NEB: variants seen among roughly 807,000 people sequenced by gnomAD.
The protein encoded by NEB is nebulin.
In NEB, 512 loss-of-function variants were observed where a neutral mutation model predicts 952.2. The observed-to-expected ratio is 0.54, with a 90% CI of 0.50 to 0.58. The LOEUF (loss-of-function observed/expected upper bound fraction) is 0.58, where lower values mean the gene tolerates loss of function less well. Among genes scored for constraint, NEB ranks in the 20% least tolerant of loss-of-function variants. The pLI, the probability that NEB is intolerant of heterozygous loss-of-function variation, is 0.00. For missense variants in NEB, 8,428 were observed against 9,231.1 expected, an observed-to-expected ratio of 0.91 and a Z score of 3.56; for synonymous variants, 2,900 against 3,149.8, an observed-to-expected ratio of 0.92 and a Z score of 2.66.
chr2:151,560,255 T>C (rs948571153), intron 124 of NEB, among the ~76,000 whole-genome samples: 3 of 152,168 alleles, frequency 2.0e-5, no homozygotes, highest in Admixed American at 1.3e-4. Context: ...TCCATGTAAT[T>C]CTATTGAAAA....
chr2:151,568,032 C>A (rs2096486772), intron 113 of NEB, 39 bp downstream of exon 113: 2 of 1,494,566 alleles, frequency 1.3e-6, no homozygotes, highest in South Asian at 1.2e-5. Flanking sequence ...GGAGCAAGGT[C>A]CCACTTTTGC....
In NEB at chr2:151,525,859, A is replaced by T; in HGVS notation, c.22161+99T>A. The T allele has an allele frequency of 3.4e-6, 3 of 875,746 alleles. No individual in the cohort carries two copies. The Admixed American group carries it at 5.1e-5, about 15-fold the overall frequency. The allele number at this position is 875,746 out of a possible 1,614,324, so 54.2% of individuals were successfully genotyped here. On this transcript the variant is annotated intron_variant, in intron 150 of 181. Transcript: ENST00000397345. ...ATGTAGATATTGATGGTAAGAGTGA[A>T]GCTACATAAAGGAAGCAAAAGGCAA...
intron 181 of NEB, 147 bp from the exon 182 acceptor site, chr2:151,486,080 C>G: frequency 1.3e-6 from 1 of 780,426 alleles, no homozygotes; most frequent in South Asian, 1.9e-5. Flanking sequence ...GTAAAAGGAA[C>G]CCACAAAATA....
chr2:151,643,432 T>C, intron 57 of NEB, 79 bp from the exon 58 acceptor site: 1 of 1,265,072 alleles, frequency 7.9e-7, no homozygotes, highest in African/African-American at 1.5e-5. Context: ...TTAAATCATT[T>C]GCCCCTAAAT....
chr2:151,644,600 G>A (rs1404028199), intron 55 of NEB, 25 bp from the exon 56 acceptor site: 31 of 1,560,796 alleles, frequency 2.0e-5, no homozygotes, highest in Non-Finnish European at 2.7e-5. Flanking sequence ...AGATCATTTT[G>A]GGAAATACTG....
Position 151,505,542 on chromosome 2 carries a change from C to T in NEB, c.23678G>A (p.Gly7893Glu), listed in dbSNP as rs760083078. ...TTCAGGCAGGTCAGGGATTGGAGTTCCTTGTCCTATTGCTTCCTTATACTT... is the reference window on the plus strand; with the variant it reads ...TTCAGGCAGGTCAGGGATTGGAGTTTCTTGTCCTATTGCTTCCTTATACTT... ...SVKYKEAIGQ[G>E]TPIPDLPEVK... is the part of the protein sequence containing the mutation. The change falls in exon 165 of 182, where the codon GGA becomes GAA. Residue 7893 changes from glycine (G) to glutamate (E), a missense_variant. Physicochemically the swap from Gly to Glu is moderately conservative, Grantham distance 98 (BLOSUM62 -2). Coordinates refer to ENST00000397345, the MANE Select transcript of NEB (RefSeq NM_001164508.2). 6.2e-7 allele frequency: 1 copy of T among 1,613,760 alleles called. No individual in the cohort carries two copies. Among genetic ancestry groups the T allele is most frequent in the Non-Finnish European group, 8.5e-7 (1 of 1,179,718 alleles).
chr2:151,558,322 C>T (rs2095799535), intron 124 of NEB, among the ~76,000 whole-genome samples: 1 of 152,132 alleles, frequency 6.6e-6, no homozygotes, highest in African/African-American at 2.4e-5. Flanking sequence ...TCTGAAGGAC[C>T]TCTTCAAGGA....
At chr2:151,560,548 G>A (rs2095970528) in intron 124 of NEB, 44 bp downstream of exon 124, 2 of 1,425,384 alleles carry the variant, frequency 1.4e-6, no homozygotes, top group Non-Finnish European at 9.7e-7. Context: ...GAGCAGGGGA[G>A]GGGAGGGAGG....
Position 151,560,667 on chromosome 2 carries a change from T to C in NEB, c.19239A>G (p.Lys6413=), listed in dbSNP as rs1430888861. The change falls in exon 124 of 182, where the codon AAA becomes AAG. Residue 6413 remains lysine (K), a synonymous_variant. Coordinates refer to ENST00000397345, the MANE Select transcript of NEB (RefSeq NM_001164508.2). ...TGGAAGGCAGGATGTAGCTGGTGGC[T>C]TTCACTCTATCCCAGGCCTCCTTGT... ...NLYKEAWDRV[K]ATSYILPSST... is the part of the protein sequence containing the mutation. 4 of 1,611,884 alleles carry C rather than the reference T, an allele frequency of 2.5e-6. No homozygotes were observed. The highest frequency in any genetic ancestry group is 3.4e-6 in the Non-Finnish European group (4 of 1,179,180).
At chr2:151,559,745 A>T (rs1407245649) in intron 124 of NEB, among the ~76,000 whole-genome samples, 1 of 152,176 alleles carries the variant, frequency 6.6e-6, no homozygotes, top group East Asian at 1.9e-4. Context: ...AACAGTGAGA[A>T]CACATGGACA....
chr2:151,553,691 G>A, intron 126 of NEB, 137 bp downstream of exon 126: 1 of 984,298 alleles, frequency 1.0e-6, no homozygotes, highest in Non-Finnish European at 1.5e-6. Flanking sequence ...CAGCTCTGAA[G>A]TCAAGTTGGA....
At position 151,642,563 on chromosome 2, in the gene NEB, A is replaced by G; in HGVS notation, c.8373+11T>C. 1 of 1,601,116 alleles carries G rather than the reference A, an allele frequency of 6.2e-7. No individual in the cohort carries two copies. The highest frequency in any genetic ancestry group is 8.5e-7 in the Non-Finnish European group (1 of 1,171,092). Reference sequence around the variant, plus strand: ...CAAAGCTAAGGCAAATAACTTTCCAAGTATACTTACTTCACTTGCAATATC... The same window carrying G: ...CAAAGCTAAGGCAAATAACTTTCCAGGTATACTTACTTCACTTGCAATATC... On this transcript the variant is annotated intron_variant, in intron 60 of 181. Coordinates refer to ENST00000397345, the MANE Select transcript of NEB (RefSeq NM_001164508.2).
At chr2:151,497,147 G>C (rs970500114) in intron 171 of NEB, 114 bp from the exon 172 acceptor site, 5 of 1,365,270 alleles carry the variant, frequency 3.7e-6, no homozygotes, top group African/African-American at 3.0e-5. Flanking sequence ...TGTCCAAGGA[G>C]CCAGAAGTTA....
chr2:151,687,629 G>T lies in NEB; in HGVS notation c.2520C>A (p.Ser840Arg). 1 of 1,612,942 alleles carries T rather than the reference G, an allele frequency of 6.2e-7. No homozygotes were observed. Among genetic ancestry groups the T allele is most frequent in the Non-Finnish European group, 8.5e-7 (1 of 1,179,294 alleles). ...CAGGTCCCCAGGCCACACTCACATCGCTGGTGTTCTTGGTGTTGGCTTTGG... is the reference window on the plus strand; with the variant it reads ...CAGGTCCCCAGGCCACACTCACATCTCTGGTGTTCTTGGTGTTGGCTTTGG... ...LAAKANTKNT[S>R]DVMYKKDYEK... The change falls in exon 26 of 182, where the codon AGC becomes AGA. Residue 840 changes from serine (S) to arginine (R), a missense_variant. Ser to Arg is a moderately radical substitution (Grantham distance 110). Transcript: ENST00000397345.
rs894845097 is a variant in NEB at position 151,610,074 on chromosome 2, C to T, written c.12065G>A (p.Gly4022Glu). 1 of 1,613,544 alleles carries T rather than the reference C, an allele frequency of 6.2e-7. No individual in the cohort carries two copies. Among genetic ancestry groups the T allele is most frequent in the African/African-American group, 1.3e-5 (1 of 74,866 alleles). ...GGGATCATCTTCAATGCTCTGGGCT[C>T]CAATGTGGTGGCCTTTCTGTTTCTC... ...AYEKQKGHHI[G>E]AQSIEDDPKI... Residue 4022 changes from glycine (G) to glutamate (E), a missense_variant, in exon 81 of 182, where the codon GGA (glycine) becomes GAA (glutamate). Physicochemically the swap from Gly to Glu is moderately conservative, Grantham distance 98. Transcript: ENST00000397345.
At chr2:151,494,705 A>G (rs558788763) in intron 173 of NEB, among the ~76,000 whole-genome samples, 68 of 152,116 alleles carry the variant, frequency 4.5e-4, no homozygotes, top group African/African-American at 9.9e-4. Flanking sequence ...CTGGAGTGCA[A>G]TGGCACGATC....
chr2:151,513,760 G>A (rs1014790196), intron 159 of NEB, 67 bp from the exon 160 acceptor site: 65 of 1,115,158 alleles, frequency 5.8e-5, no homozygotes, highest in South Asian at 2.6e-4. Flanking sequence ...AACATACAGG[G>A]TGAATGTAAA....
At position 151,535,713 on chromosome 2, in the gene NEB, T is replaced by C. The variant is rs755707288; in HGVS notation, c.21290A>G (p.Tyr7097Cys). The C allele has an allele frequency of 5.6e-6, 9 of 1,607,824 alleles. No homozygotes were observed. The highest frequency in any genetic ancestry group is 7.7e-6 in the Non-Finnish European group (9 of 1,176,258). The change falls in exon 142 of 182, where the codon TAT becomes TGT. Residue 7097 changes from tyrosine (Y) to cysteine (C), a missense_variant. By Grantham distance (194) the Tyr-to-Cys change is radical (BLOSUM62 -2). Transcript: ENST00000397345. ...ADSPINRHFK[Y>C]ATQLMNERKY... is the part of the protein sequence containing the mutation. ...TACCTCATTCATCAATTGAGTTGCA[T>C]ACTTGAAATGCCTATTGATCGGAGA...
intron 71 of NEB, among the ~76,000 whole-genome samples, chr2:151,622,664 T>C (rs572065448): frequency 6.6e-6 from 1 of 152,334 alleles, no homozygotes; most frequent in African/African-American, 2.4e-5. Flanking sequence ...CATCCTTGAA[T>C]ACTTTACCAT....
Sources: gnomAD v4.1 joint callset for allele counts (sites outside exome capture counted in the v4.1 genomes callset) on GRCh38, gnomAD v4.1.1 for gene constraint, MANE v1.5 for transcripts, NCBI Gene and HGNC (gene_info 2026-07-23, HGNC 2026-07-21) for gene names.